The following GRIK3 variants were observed in gnomAD, a reference collection of about 807,000 sequenced individuals.
The protein encoded by GRIK3 is glutamate ionotropic receptor kainate type subunit 3.
GRIK3 carries 29 observed loss-of-function variants against 102.5 expected under a neutral mutation model. That is an observed-to-expected ratio of 0.28 (90% confidence interval 0.21 to 0.39). GRIK3 has a LOEUF of 0.39. Among genes scored for constraint, GRIK3 ranks in the 10% least tolerant of loss-of-function variants. GRIK3 has a pLI of 1.00. For missense variants in GRIK3, 908 were observed against 1,252.4 expected (o/e 0.73, Z 4.15); for synonymous variants, 511 against 504.9 (o/e 1.01, Z -0.16).
At chr1:36,888,676 A>G (rs1490476863) in intron 2 of GRIK3, among the ~76,000 whole-genome samples, 7 of 152,166 alleles carry the variant, frequency 4.6e-5, no homozygotes, top group Non-Finnish European at 1.0e-4. Context: ...TGGGCGCTCA[A>G]CAGACTTCTC....
Position 36,872,127 on chromosome 1 carries a change from G to T in GRIK3, c.732+61C>A. ...GCATCACACCCACATTTGGGAAGGG[G>T]ACGTGGGAGAAGTGGCCAGCAGACC... On this transcript the variant is annotated intron_variant, in intron 4 of 15. Coordinates refer to ENST00000373091, the MANE Select transcript of GRIK3 (RefSeq NM_000831.4). The surrounding 1 kb of genome is among the most constrained non-coding windows in gnomAD (Gnocchi z 5.9). 2 of 1,427,474 alleles carry T rather than the reference G, an allele frequency of 1.4e-6. No individual in the cohort carries two copies. Among genetic ancestry groups the T allele is most frequent in the Non-Finnish European group, 9.5e-7 (1 of 1,051,756 alleles). The allele number at this position is 1,427,474 out of a possible 1,614,324, so 88.4% of individuals were successfully genotyped here.
chr1:36,995,181 C>G (rs1298638784), intron 1 of GRIK3, among the ~76,000 whole-genome samples: 4 of 152,172 alleles, frequency 2.6e-5, no homozygotes, highest in Admixed American at 2.6e-4. Flanking sequence ...CAATTTGACA[C>G]TACACATGAA....
At chr1:36,879,591 C>T (rs1412746880) in intron 3 of GRIK3, among the ~76,000 whole-genome samples, 1 of 152,186 alleles carries the variant, frequency 6.6e-6, no homozygotes, top group African/African-American at 2.4e-5. Context: ...TAGGTGTGTG[C>T]TCTGGGCCCT....
intron 1 of GRIK3, among the ~76,000 whole-genome samples, chr1:36,988,683 A>T (rs1012425180): frequency 2.0e-5 from 3 of 152,260 alleles, no homozygotes; most frequent in Non-Finnish European, 4.4e-5. Context: ...ATAAAACTCA[A>T]CTATAAAGTT....
At chr1:36,907,878 C>T (rs1379620387) in intron 1 of GRIK3, among the ~76,000 whole-genome samples, 2 of 152,160 alleles carry the variant, frequency 1.3e-5, no homozygotes, top group Non-Finnish European at 2.9e-5. Context: ...CACTCACAGG[C>T]TACCCCTTTC....
chr1:36,853,900 T>C lies in GRIK3; in HGVS notation c.1105-178A>G, dbSNP rs1158556243. ...CTGCGGTGTGAGCCAGCGATTTCCATAAATTCTATTATGCTCTTTAGCCAG... is the reference window on the plus strand; with the variant it reads ...CTGCGGTGTGAGCCAGCGATTTCCACAAATTCTATTATGCTCTTTAGCCAG... On this transcript the variant is annotated intron_variant, in intron 7 of 15. Coordinates refer to ENST00000373091, the MANE Select transcript of GRIK3 (RefSeq NM_000831.4). Among the ~76,000 whole-genome samples, 5 of 152,186 alleles carry C rather than the reference T, an allele frequency of 3.3e-5. No homozygotes were observed. The South Asian group carries it at 1.0e-3, about 32-fold the overall frequency.
intron 1 of GRIK3, among the ~76,000 whole-genome samples, chr1:36,946,216 G>A (rs1641782904): frequency 6.6e-6 from 1 of 152,254 alleles, no homozygotes; most frequent in Admixed American, 6.5e-5. Context: ...GACACCTGGA[G>A]CCTGGGGCTG....
chr1:36,845,318 G>A (rs1640507946), intron 9 of GRIK3, among the ~76,000 whole-genome samples: 1 of 152,176 alleles, frequency 6.6e-6, no homozygotes, highest in Non-Finnish European at 1.5e-5. Flanking sequence ...TATTGCTCTG[G>A]GAGAACAGCC....
At chr1:37,004,522 G>A (rs1642511534) in intron 1 of GRIK3, among the ~76,000 whole-genome samples, 1 of 152,136 alleles carries the variant, frequency 6.6e-6, no homozygotes. Context: ...TTGCCCAAAC[G>A]GAATCACCAC....
intron 1 of GRIK3, among the ~76,000 whole-genome samples, chr1:36,942,882 T>C (rs1641743203): frequency 6.6e-6 from 1 of 152,032 alleles, no homozygotes; most frequent in Non-Finnish European, 1.5e-5. Context: ...GGGGGACCAC[T>C]CTCCTGATAG....
chr1:37,013,184 G>T (rs2133910), intron 1 of GRIK3, among the ~76,000 whole-genome samples: 49,301 of 151,988 alleles, frequency 0.32, 8,499 homozygotes, highest in East Asian at 0.55. Context: ...CTCGTGAGAC[G>T]TATTTACTAC....
At position 36,850,281 on chromosome 1, in the gene GRIK3, G is replaced by A; in HGVS notation, c.1326+30C>T. On this transcript the variant is annotated intron_variant, in intron 9 of 15. Transcript: ENST00000373091. The surrounding 1 kb of genome is among the most constrained non-coding windows in gnomAD (Gnocchi z 4.0). ...GGCCACCCCACCCCCAGGTCGGACA[G>A]TCCTTCCTGCAGGGGCTGCAGGCTC... is the stretch of plus-strand genomic sequence containing the variant. 1 of 1,429,586 alleles carries A rather than the reference G, an allele frequency of 7.0e-7. No individual in the cohort carries two copies. Among genetic ancestry groups the A allele is most frequent in the South Asian group, 1.1e-5 (1 of 87,604 alleles). The allele number at this position is 1,429,586 out of a possible 1,614,324, so 88.6% of individuals were successfully genotyped here. A position where few individuals can be genotyped will look rare whatever the true frequency, so the allele number is the denominator to read the frequency against.
At chr1:36,987,514 A>G (rs976296111) in intron 1 of GRIK3, among the ~76,000 whole-genome samples, 2 of 152,156 alleles carry the variant, frequency 1.3e-5, no homozygotes, top group Non-Finnish European at 1.5e-5. Context: ...AGGTGCTGGG[A>G]GACATATAGA....
intron 1 of GRIK3, among the ~76,000 whole-genome samples, chr1:37,023,066 C>T (rs1297994495): frequency 3.9e-5 from 6 of 152,082 alleles, no homozygotes; most frequent in African/African-American, 7.2e-5. Flanking sequence ...CAGTGGCTCA[C>T]GTCTGTAATC....
intron 5 of GRIK3, among the ~76,000 whole-genome samples, chr1:36,866,675 G>T (rs980344642): frequency 6.6e-6 from 1 of 152,220 alleles, no homozygotes; most frequent in South Asian, 2.1e-4. Context: ...CCACTGTATA[G>T]ATGAGAAAAT....
rs940144287 is a variant in GRIK3 at position 36,822,944 on chromosome 1, C to T, written c.1754+2659G>A. On this transcript the variant is annotated intron_variant, in intron 11 of 15. Coordinates refer to ENST00000373091, the MANE Select transcript of GRIK3 (RefSeq NM_000831.4). ...AAAGGCCTTGCACAATGCCTGGTCC[C>T]CTGGTGTGGGCCAAACAGGTCAGGC... 2.8e-4 allele frequency among the ~76,000 whole-genome samples: 42 copies of T among 152,148 alleles called. 1 individual carries two copies. The highest frequency in any genetic ancestry group is 1.0e-3 in the African/African-American group (42 of 41,436).
At chr1:36,934,119 A>C (rs1641627046) in intron 1 of GRIK3, among the ~76,000 whole-genome samples, 1 of 152,108 alleles carries the variant, frequency 6.6e-6, no homozygotes, top group Non-Finnish European at 1.5e-5. Context: ...AGGTGGGACA[A>C]GTCTTCCCTG....
chr1:36,918,074 A>G (rs1641422178), intron 1 of GRIK3, among the ~76,000 whole-genome samples: 1 of 152,240 alleles, frequency 6.6e-6, no homozygotes. Context: ...TATAGGTTTA[A>G]AGACACTGTA....
rs956832178 is a variant in GRIK3, at chr1:36,806,428, T to C, written c.2092-102A>G. 3.0e-6 allele frequency: 2 copies of C among 664,032 alleles called. No individual in the cohort carries two copies. Among genetic ancestry groups the C allele is most frequent in the Non-Finnish European group, 5.2e-6 (2 of 381,746 alleles). 41.1% of individuals were successfully genotyped at this position (664,032 alleles called of 1,614,324 possible). A position where few individuals can be genotyped will look rare whatever the true frequency, so the allele number is the denominator to read the frequency against. ...ACGTGGGTTGGGGCCTTGAACTCGG[T>C]CTACAATCTTCAGAGAAAGGAAGTG... On this transcript the variant is annotated intron_variant, in intron 13 of 15. Coordinates refer to ENST00000373091, the MANE Select transcript of GRIK3 (RefSeq NM_000831.4). This position sits in a 1 kb window ranked among gnomAD's most constrained non-coding sequence, Gnocchi z 4.0.
Sources: allele counts gnomAD v4.1 joint callset (sites outside exome capture counted in the v4.1 genomes callset), GRCh38; gene constraint gnomAD v4.1.1; non-coding constraint Gnocchi (gnomAD v3.1); transcripts MANE v1.5; gene names NCBI Gene and HGNC (gene_info 2026-07-23, HGNC 2026-07-21).